Variants in MMP16 observed in about 807,000 individuals in gnomAD.
MMP16 encodes the protein matrix metalloproteinase-16.
In MMP16, 12 loss-of-function variants were observed where a neutral mutation model predicts 67.8. The ratio of observed to expected loss-of-function variants is 0.18; its 90% CI spans 0.11 to 0.29. The LOEUF (loss-of-function observed/expected upper bound fraction) is 0.29. Ranked by LOEUF, MMP16 falls within the 10% of genes least tolerant of loss-of-function variation. The pLI is 1.00. For missense variants in MMP16, 475 were observed against 765.7 expected (o/e 0.62, Z 4.48); for synonymous variants, 249 against 255.9 (o/e 0.97, Z 0.26).
At chr8:88,298,837 T>C (rs1811054098) in intron 1 of MMP16, among the ~76,000 whole-genome samples, 1 of 152,166 alleles carries the variant, frequency 6.6e-6, no homozygotes, top group Non-Finnish European at 1.5e-5. Context: ...ACACATTACA[T>C]GGTCAGAGTA....
chr8:88,286,725 G>A (rs952639106), intron 1 of MMP16, among the ~76,000 whole-genome samples: 9 of 151,922 alleles, frequency 5.9e-5, no homozygotes, highest in African/African-American at 1.9e-4. Context: ...ACAGGCGCCC[G>A]CCACCATGCC....
intron 4 of MMP16, among the ~76,000 whole-genome samples, chr8:88,161,810 C>A (rs1323363972): frequency 6.6e-6 from 1 of 152,026 alleles, no homozygotes; most frequent in Admixed American, 6.6e-5. Flanking sequence ...TCGTTATGCA[C>A]CCAATAGTCA....
intron 1 of MMP16, among the ~76,000 whole-genome samples, 186 bp from the exon 2 acceptor site, chr8:88,197,492 C>T (rs1462241742): frequency 2.0e-5 from 3 of 151,756 alleles, no homozygotes; most frequent in South Asian, 4.2e-4. Flanking sequence ...ATAATTGCAG[C>T]GACTGTTATG....
intron 1 of MMP16, among the ~76,000 whole-genome samples, chr8:88,296,034 TACTA>T (rs33957649): frequency 0.12 from 18,523 of 152,144 alleles, 1,211 homozygotes; most frequent in Non-Finnish European, 0.14. Flanking sequence ...TAATCCTACT[TACTA>T]ACTGAGACTA....
chr8:88,076,941 CA>C (rs771912510), intron 6 of MMP16, among the ~76,000 whole-genome samples: 18 of 152,228 alleles, frequency 1.2e-4, no homozygotes, highest in Non-Finnish European at 1.9e-4. Flanking sequence ...AAGCCCTTCC[CA>C]TTGCTATAAT....
rs1013166264 is a variant in MMP16, at chr8:88,116,526, C to T, written c.1064G>A (p.Arg355His). Residue 355 changes from arginine (R) to histidine (H), a missense_variant, in exon 6 of 10, where the codon CGT becomes CAT. Physicochemically the swap from Arg to His is conservative, Grantham distance 29. Around this residue, in one of 5 missense-constraint regions of MMP16, gnomAD observed 195 missense variants for 300.9 expected, o/e 0.65. Transcript: ENST00000286614. ...GNFNTLAILR[R>H]EMFVFKDQWF... ...TCCTACCTTGAAAACAAACATCTCA[C>T]GACGAAGAATAGCTAGAGTGTTAAA... 6.8e-6 allele frequency: 11 copies of T among 1,613,094 alleles called. No individual in the cohort carries two copies. The highest frequency in any genetic ancestry group is 2.2e-5 in the South Asian group (2 of 91,056).
intron 4 of MMP16, among the ~76,000 whole-genome samples, chr8:88,163,683 AT>A (rs1487722348): frequency 6.6e-6 from 1 of 152,106 alleles, no homozygotes; most frequent in Non-Finnish European, 1.5e-5. Context: ...TGATAGCACC[AT>A]TTTAACTTTA....
intron 3 of MMP16, among the ~76,000 whole-genome samples, chr8:88,175,050 G>C (rs12056891): frequency 0.075 from 11,466 of 152,096 alleles, 445 homozygotes; most frequent in East Asian, 0.16. Context: ...CACTGTGCCT[G>C]GCCTTGACTG....
chr8:88,109,347 A>T, intron 6 of MMP16, among the ~76,000 whole-genome samples: 1 of 151,330 alleles, frequency 6.6e-6, no homozygotes, highest in East Asian at 2.0e-4. Context: ...AAATAATTAC[A>T]GCTTTCACAC....
At chr8:88,205,606 C>T (rs1809414308) in intron 1 of MMP16, among the ~76,000 whole-genome samples, 1 of 152,138 alleles carries the variant, frequency 6.6e-6, no homozygotes, top group Non-Finnish European at 1.5e-5. Flanking sequence ...CACTTACGGC[C>T]ATTTCAGTTT....
chr8:88,268,821 ATTG>A (rs1810519806), intron 1 of MMP16, among the ~76,000 whole-genome samples: 1 of 72,480 alleles, frequency 1.4e-5, no homozygotes, highest in African/African-American at 3.9e-5. Flanking sequence ...ACACTTTGTT[ATTG>A]TTCTTTTTTT....
intron 1 of MMP16, among the ~76,000 whole-genome samples, chr8:88,203,906 A>ATCTTTT (rs1223042614): frequency 2.6e-5 from 4 of 152,240 alleles, no homozygotes; most frequent in African/African-American, 7.2e-5. Flanking sequence ...TGAGAAACAA[A>ATCTTTT]AATCTTTTAA....
intron 1 of MMP16, among the ~76,000 whole-genome samples, chr8:88,257,115 C>T (rs533623798): frequency 2.0e-5 from 3 of 152,262 alleles, no homozygotes; most frequent in Admixed American, 2.0e-4. Flanking sequence ...TTGAACACTT[C>T]ATAAGGCTGA....
chr8:88,206,837 A>G (rs889213687), intron 1 of MMP16, among the ~76,000 whole-genome samples: 1 of 152,200 alleles, frequency 6.6e-6, no homozygotes, highest in Non-Finnish European at 1.5e-5. Flanking sequence ...GAAGTTTTCA[A>G]GAGTGTATCT....
At chr8:88,196,698 T>C (rs183068688) in intron 2 of MMP16, among the ~76,000 whole-genome samples, 3 of 152,272 alleles carry the variant, frequency 2.0e-5, no homozygotes, top group African/African-American at 4.8e-5. Context: ...ACGCTGCCCC[T>C]CCTACCCAAA....
intron 6 of MMP16, among the ~76,000 whole-genome samples, chr8:88,110,446 A>G (rs1178252112): frequency 6.6e-6 from 1 of 151,632 alleles, no homozygotes; most frequent in African/African-American, 2.4e-5. Flanking sequence ...TTTGTACTAC[A>G]GGAAAACTTT....
chr8:88,190,347 C>T (rs928689281), intron 2 of MMP16, among the ~76,000 whole-genome samples: 3 of 152,178 alleles, frequency 2.0e-5, no homozygotes, highest in Non-Finnish European at 2.9e-5. Context: ...ACACAGAATC[C>T]GAGCTAAATT....
chr8:88,123,391 C>T (rs1042833329), intron 4 of MMP16, among the ~76,000 whole-genome samples: 5 of 151,832 alleles, frequency 3.3e-5, no homozygotes, highest in African/African-American at 1.2e-4. Flanking sequence ...GATGTATCAT[C>T]TATTTTCTTG....
At chr8:88,267,863 C>A (rs1372614443) in intron 1 of MMP16, among the ~76,000 whole-genome samples, 1 of 152,154 alleles carries the variant, frequency 6.6e-6, no homozygotes. Flanking sequence ...CCAAAATTGA[C>A]ATCATATTCC....
Sources: allele counts gnomAD v4.1 joint callset (sites outside exome capture counted in the v4.1 genomes callset), GRCh38; gene constraint gnomAD v4.1.1; regional missense constraint gnomAD v4.1.1; transcripts MANE v1.5; gene names NCBI Gene and HGNC (gene_info 2026-07-23, HGNC 2026-07-21).